The following USP50 variants were observed in gnomAD, a reference collection of about 807,000 sequenced individuals.
USP50 encodes the protein ubiquitin specific peptidase 50.
USP50 carries 37 observed loss-of-function variants against 39.2 expected under a neutral mutation model. The observed-to-expected ratio is 0.94, with a 90% CI of 0.73 to 1.24. The LOEUF is 1.24. USP50 is among the 50% of genes most tolerant of loss of function. USP50 has a pLI of 0.00. For synonymous variants in USP50, 139 were observed against 144.5 expected, an observed-to-expected ratio of 0.96 and a Z score of 0.27; for missense variants, 374 against 398.2, an observed-to-expected ratio of 0.94 and a Z score of 0.52.
At position 50,528,065 on chromosome 15, in the gene USP50, G is replaced by GT. The variant is rs57802702; in HGVS notation, c.936+1731dup. Among the ~76,000 whole-genome samples the GT allele has an allele frequency of 7.2e-4, 93 of 128,706 alleles. 1 individual carries two copies. The South Asian group carries it at 7.8e-3, about 11-fold the overall frequency. The allele number at this position is 128,706 out of a possible 152,430, so 84.4% of individuals were successfully genotyped here. A position where few individuals can be genotyped will look rare whatever the true frequency, so the allele number is the denominator to read the frequency against. ...ATAGTTTGATTACTAAAAGAACTAA[G>GT]TTTTTTTTTTTTTTTTTTTTTTAGA... On this transcript the variant is annotated intron_variant, in intron 6 of 6. Coordinates refer to ENST00000532404, the MANE Select transcript of USP50 (RefSeq NM_203494.5).
intron 6 of USP50, among the ~76,000 whole-genome samples, chr15:50,523,140 T>G (rs1373353591): frequency 6.8e-6 from 1 of 147,790 alleles, no homozygotes; most frequent in Non-Finnish European, 1.5e-5. Flanking sequence ...TCCATAAAGT[T>G]GCAGGATACA....
In USP50 at chr15:50,541,145, G is replaced by A. The variant is rs765765660; in HGVS notation, c.564C>T (p.Ser188=). 2.4e-5 allele frequency: 38 copies of A among 1,613,734 alleles called. No individual in the cohort carries two copies. The African/African-American group carries it at 4.7e-4, about 20-fold the overall frequency. ...TQLFEEQLNY[S]IVCLKCEKCT... is the part of the protein sequence containing the mutation. ...ATTTCTCACACTTTAAACATACGATGCTATAATTGAGCTGCTCTTCAAACA... is the reference window on the plus strand; with the variant it reads ...ATTTCTCACACTTTAAACATACGATACTATAATTGAGCTGCTCTTCAAACA... Residue 188 remains serine, a synonymous_variant, in exon 4 of 7, where the codon AGC becomes AGT. Coordinates refer to ENST00000532404, the MANE Select transcript of USP50 (RefSeq NM_203494.5).
intron 4 of USP50, 26 bp from the exon 5 acceptor site, chr15:50,538,877 G>A: frequency 6.3e-7 from 1 of 1,580,976 alleles, no homozygotes; most frequent in Non-Finnish European, 8.6e-7. Flanking sequence ...AGGATTTGGT[G>A]ACCAAATTGG....
intron 5 of USP50, among the ~76,000 whole-genome samples, chr15:50,531,111 C>G (rs182165614): frequency 2.9e-4 from 44 of 152,042 alleles, no homozygotes; most frequent in Admixed American, 1.3e-3. Flanking sequence ...AGGTCTGAGG[C>G]CGGGAAATTA....
chr15:50,495,865 A>G, downstream of USP50: 1 of 1,613,286 alleles, frequency 6.2e-7, no homozygotes, highest in Non-Finnish European at 8.5e-7. Context: ...ATCGGAAGAG[A>G]TATAAAGAAG....
At position 50,520,921 on chromosome 15, in the gene USP50, G is replaced by C. The variant is rs1311916354; in HGVS notation, c.936+8876C>G. Among the ~76,000 whole-genome samples the C allele has an allele frequency of 4.6e-5, 7 of 152,174 alleles. 1 individual carries two copies. The highest frequency in any genetic ancestry group is 4.6e-4 in the Admixed American group (7 of 15,268). On this transcript the variant is annotated intron_variant, in intron 6 of 6. Transcript: ENST00000532404. ...TTGACAGCATAATAGAGTCACTATA[G>C]TTGACAATAACTGCATATTATTTGT...
intron 6 of USP50, among the ~76,000 whole-genome samples, chr15:50,517,491 G>C (rs1342383429): frequency 2.6e-5 from 4 of 151,516 alleles, no homozygotes; most frequent in Non-Finnish European, 4.4e-5. Context: ...AAAAATAAGA[G>C]GATTGAAATC....
chr15:50,523,765 C>A (rs1311877709), intron 6 of USP50, among the ~76,000 whole-genome samples: 1 of 151,978 alleles, frequency 6.6e-6, no homozygotes, highest in African/African-American at 2.4e-5. Context: ...GAAAATTTTA[C>A]AGAAATAGAA....
At chr15:50,518,348 G>GT (rs941327898) in intron 6 of USP50, among the ~76,000 whole-genome samples, 6 of 150,668 alleles carry the variant, frequency 4.0e-5, no homozygotes, top group Non-Finnish European at 8.9e-5. Flanking sequence ...AGCCTCCTGA[G>GT]TAGCTGGGGC....
At chr15:50,528,865 C>T (rs1369520457) in intron 6 of USP50, among the ~76,000 whole-genome samples, 3 of 152,182 alleles carry the variant, frequency 2.0e-5, no homozygotes, top group Non-Finnish European at 2.9e-5. Flanking sequence ...GTGAATCCTA[C>T]TGGGCTCCGG....
chr15:50,516,325 G>A (rs930462475), intron 6 of USP50, among the ~76,000 whole-genome samples: 12 of 152,180 alleles, frequency 7.9e-5, no homozygotes, highest in Non-Finnish European at 1.0e-4. Context: ...AAACATGCCA[G>A]ATGTGGAGGC....
At chr15:50,497,084 G>A (rs2052445721), downstream of USP50, 1 of 1,581,936 alleles carries the variant, frequency 6.3e-7, no homozygotes, top group South Asian at 1.2e-5. Flanking sequence ...GTTTTTTTCT[G>A]CCAGGATTGC....
intron 5 of USP50, among the ~76,000 whole-genome samples, chr15:50,535,633 G>T (rs1198870191): frequency 6.6e-6 from 1 of 152,192 alleles, no homozygotes; most frequent in Non-Finnish European, 1.5e-5. Flanking sequence ...TTCAAAATGG[G>T]CTGGGCACAG....
downstream of USP50, chr15:50,496,231 C>T (rs62019113): frequency 0.15 from 95,444 of 629,816 alleles, 9,115 homozygotes; most frequent in Admixed American, 0.28. Flanking sequence ...CTTGTACTCC[C>T]AGCACTTTGG....
intron 6 of USP50, chr15:50,514,403 A>C (rs886614546): frequency 1.3e-5 from 2 of 152,148 alleles, no homozygotes; most frequent in African/African-American, 4.8e-5. Flanking sequence ...TCACTTCAAT[A>C]AAGTTTATTT....
chr15:50,513,134 G>T (rs2052759445), intron 6 of USP50: 1 of 152,242 alleles, frequency 6.6e-6, no homozygotes, highest in East Asian at 1.9e-4. Context: ...CCTGGTAGGG[G>T]TATGTATTGG....
At chr15:50,526,747 G>A (rs891818993) in intron 6 of USP50, among the ~76,000 whole-genome samples, 4 of 152,140 alleles carry the variant, frequency 2.6e-5, no homozygotes, top group Admixed American at 6.5e-5. Flanking sequence ...AGAGCAAGAC[G>A]GTTTGGAGCC....
At chr15:50,527,038 G>A (rs2052903565) in intron 6 of USP50, among the ~76,000 whole-genome samples, 1 of 152,184 alleles carries the variant, frequency 6.6e-6, no homozygotes, top group African/African-American at 2.4e-5. Flanking sequence ...CTCTTCAAGG[G>A]CTCATGCAAA....
intron 6 of USP50, chr15:50,506,261 A>C (rs2052656609): frequency 6.6e-6 from 1 of 152,300 alleles, no homozygotes; most frequent in Non-Finnish European, 1.5e-5. Context: ...ACCTGGCTGC[A>C]CAGCAGGAAG....
Sources: gnomAD v4.1 joint callset for allele counts (sites outside exome capture counted in the v4.1 genomes callset) on GRCh38, gnomAD v4.1.1 for gene constraint, MANE v1.5 for transcripts, NCBI Gene and HGNC (gene_info 2026-07-23, HGNC 2026-07-21) for gene names.